Variants in NANOS3 observed in about 807,000 individuals in gnomAD.
The protein encoded by NANOS3 is nanos C2HC-type zinc finger 3.
NANOS3 carries 11 observed loss-of-function variants against 13.8 expected under a neutral mutation model. That is an observed-to-expected ratio of 0.80 (90% CI 0.50 to 1.32). NANOS3 has a LOEUF of 1.32. Among genes scored for constraint, NANOS3 ranks in the 40% most tolerant of loss-of-function variants. The pLI, the probability that NANOS3 is intolerant of heterozygous loss-of-function variation, is 0.00. For synonymous variants in NANOS3, 119 were observed against 115.4 expected (o/e 1.03, Z -0.20); for missense variants, 221 against 263.8 (o/e 0.84, Z 1.12).
At chr19:13,873,827 T>A (rs1446101224), upstream of NANOS3, among the ~76,000 whole-genome samples, 3 of 143,520 alleles carry the variant, frequency 2.1e-5, no homozygotes. Flanking sequence ...GAAGGCGCGC[T>A]CGCCCATCCC....
In NANOS3 at chr19:13,877,174, C is replaced by G; in HGVS notation, c.-75C>G. The G allele has an allele frequency of 7.7e-7, 1 of 1,292,864 alleles. No homozygotes were observed. 80.1% of individuals were successfully genotyped at this position (1,292,864 alleles called of 1,614,324 possible). A position where few individuals can be genotyped will look rare whatever the true frequency, so the allele number is the denominator to read the frequency against. On this transcript the variant is annotated 5_prime_UTR_variant, in exon 1 of 2. Coordinates refer to ENST00000339133, the MANE Select transcript of NANOS3 (RefSeq NM_001098622.3). ...GAAGGAAGGGGCAGCAGAGAGGGGT[C>G]AGAAGGAGGGAGCTTAAGCCAGGCA...
chr19:13,865,187 G>GGGC (rs1407704985), upstream of NANOS3, among the ~76,000 whole-genome samples: 1 of 150,648 alleles, frequency 6.6e-6, no homozygotes, highest in Non-Finnish European at 1.5e-5. Flanking sequence ...AGGAGGGAGG[G>GGGC]GGCGGCGGCA....
At position 13,869,309 on chromosome 19, in the gene NANOS3, C is replaced by T. The variant is rs190771214; in HGVS notation, n.21+3872C>T. On this transcript the variant is annotated intron_variant and non_coding_transcript_variant, in intron 1 of 2. Coordinates refer to the NANOS3 transcript ENST00000591161. Reference sequence around the variant, plus strand: ...GACTACGGGCATGAGCCACCGTGCCCGGCCTGAATTCTCCTTCAGCTTGGC... The same window carrying T: ...GACTACGGGCATGAGCCACCGTGCCTGGCCTGAATTCTCCTTCAGCTTGGC... Among the ~76,000 whole-genome samples, 331 of 152,198 alleles carry T rather than the reference C, an allele frequency of 2.2e-3. 2 individuals carry two copies. The highest frequency in any genetic ancestry group is 7.5e-3 in the African/African-American group (311 of 41,526).
At chr19:13,863,048 T>C (rs144953981), upstream of NANOS3, among the ~76,000 whole-genome samples, 1 of 152,166 alleles carries the variant, frequency 6.6e-6, no homozygotes, top group Admixed American at 6.5e-5. Flanking sequence ...AAGAGAATAG[T>C]CCCTGCCTCA....
chr19:13,871,621 G>A (rs960874279), intron 1 of NANOS3, among the ~76,000 whole-genome samples: 11 of 152,164 alleles, frequency 7.2e-5, no homozygotes, highest in Non-Finnish European at 4.4e-5. Flanking sequence ...GGACACACAG[G>A]AGGTGTCTGG....
chr19:13,863,518 C>A (rs1002868124), upstream of NANOS3, among the ~76,000 whole-genome samples: 41 of 152,224 alleles, frequency 2.7e-4, no homozygotes, highest in African/African-American at 9.6e-4. Context: ...GTGCCCGGCC[C>A]CCCTTGCCTC....
chr19:13,864,119 G>T (rs1026675443), upstream of NANOS3, among the ~76,000 whole-genome samples: 1 of 152,058 alleles, frequency 6.6e-6, no homozygotes, highest in African/African-American at 2.4e-5. Context: ...TCTACCAGCC[G>T]CGGTGGCCAC....
At chr19:13,872,048 T>A (rs1282603594) in intron 1 of NANOS3, among the ~76,000 whole-genome samples, 1 of 150,404 alleles carries the variant, frequency 6.6e-6, no homozygotes, top group Non-Finnish European at 1.5e-5. Context: ...AGAATAAAGA[T>A]TTTTCTTTTT....
chr19:13,866,143 G>A (rs935688548), intron 1 of NANOS3, among the ~76,000 whole-genome samples: 2 of 152,126 alleles, frequency 1.3e-5, no homozygotes, highest in Non-Finnish European at 2.9e-5. Flanking sequence ...CAAGGTTTGC[G>A]AACAGGAACC....
chr19:13,879,242 A>G (rs1599306599), intron 1 of NANOS3, among the ~76,000 whole-genome samples: 1 of 152,030 alleles, frequency 6.6e-6, no homozygotes, highest in Non-Finnish European at 1.5e-5. Flanking sequence ...CCTGGCCCCC[A>G]GTGAGGTTTT....
chr19:13,862,045 T>TG, upstream of NANOS3: 1 of 152,436 alleles, frequency 6.6e-6, no homozygotes, highest in Non-Finnish European at 1.5e-5. Context: ...CAGAGGAGTC[T>TG]GGGGGGTGAG....
chr19:13,863,297 A>G (rs956352971), upstream of NANOS3, among the ~76,000 whole-genome samples: 16 of 151,364 alleles, frequency 1.1e-4, no homozygotes, highest in African/African-American at 3.4e-4. Flanking sequence ...GTAGCCTTGA[A>G]CTCCTGGGCT....
intron 1 of NANOS3, among the ~76,000 whole-genome samples, chr19:13,870,499 G>A (rs1364754534): frequency 6.6e-6 from 1 of 150,808 alleles, no homozygotes; most frequent in Non-Finnish European, 1.5e-5. Flanking sequence ...TGTGCCAGCT[G>A]CCCTGCACCT....
At chr19:13,872,360 A>AAGAGAGAGAG (rs1294694168), upstream of NANOS3, among the ~76,000 whole-genome samples, 1 of 141,108 alleles carries the variant, frequency 7.1e-6, no homozygotes, top group African/African-American at 2.7e-5. Flanking sequence ...AAAAAAAAAA[A>AAGAGAGAGAG]AGAGAGAGAG....
At chr19:13,871,586 CAGAG>C (rs1384022750) in intron 1 of NANOS3, among the ~76,000 whole-genome samples, 3 of 152,180 alleles carry the variant, frequency 2.0e-5, no homozygotes, top group Non-Finnish European at 2.9e-5. Context: ...CCAAAGCCCT[CAGAG>C]GGAGGAGTGG....
chr19:13,872,084 A>G (rs925620628), intron 1 of NANOS3, among the ~76,000 whole-genome samples: 1 of 150,790 alleles, frequency 6.6e-6, no homozygotes, highest in African/African-American at 2.4e-5. Context: ...TTAAAGAACC[A>G]CTGCTGGGTG....
upstream of NANOS3, among the ~76,000 whole-genome samples, chr19:13,874,266 A>T (rs928983193): frequency 6.6e-6 from 1 of 152,134 alleles, no homozygotes; most frequent in Admixed American, 6.5e-5. Context: ...AACGTATTAC[A>T]TTGTATTAAA....
upstream of NANOS3, among the ~76,000 whole-genome samples, chr19:13,873,828 C>A (rs1304809506): frequency 2.0e-5 from 3 of 151,408 alleles, no homozygotes. Flanking sequence ...AAGGCGCGCT[C>A]GCCCATCCCT....
upstream of NANOS3, among the ~76,000 whole-genome samples, chr19:13,864,939 CTG>C (rs1376187641): frequency 6.6e-6 from 1 of 152,108 alleles, no homozygotes; most frequent in East Asian, 1.9e-4. Flanking sequence ...TTCCCTATGT[CTG>C]TGGCCCGCGT....
Sources: gnomAD v4.1 joint callset for allele counts (sites outside exome capture counted in the v4.1 genomes callset) on GRCh38, gnomAD v4.1.1 for gene constraint, MANE v1.5 for transcripts, NCBI Gene and HGNC (gene_info 2026-07-23, HGNC 2026-07-21) for gene names.